The following RNLS variants were observed in gnomAD, a reference collection of about 807,000 sequenced individuals.
RNLS encodes renalase, FAD dependent amine oxidase.
In RNLS, 39 loss-of-function variants were observed where a neutral mutation model predicts 39.8. The observed-to-expected ratio is 0.98, with a 90% CI of 0.76 to 1.28. The LOEUF (loss-of-function observed/expected upper bound fraction) is 1.28, where lower values mean the gene tolerates loss of function less well. RNLS is among the 50% of genes most tolerant of loss of function. The pLI is 0.00. For synonymous variants in RNLS, 147 were observed against 150.7 expected, an observed-to-expected ratio of 0.98 and a Z score of 0.18; for missense variants, 410 against 413.3, an observed-to-expected ratio of 0.99 and a Z score of 0.07.
intron 5 of RNLS, among the ~76,000 whole-genome samples, chr10:88,330,742 TTAA>T (rs1847055952): frequency 6.6e-6 from 1 of 152,084 alleles, no homozygotes; most frequent in Admixed American, 6.6e-5. Flanking sequence ...TGATTTTTAA[TTAA>T]TTATGCAACA....
At chr10:88,490,956 T>C (rs988727926) in intron 4 of RNLS, among the ~76,000 whole-genome samples, 3 of 152,182 alleles carry the variant, frequency 2.0e-5, no homozygotes, top group African/African-American at 7.2e-5. Flanking sequence ...TACAAGTCTA[T>C]GTTTATCTTC....
chr10:88,483,072 T>G (rs1844291989), intron 4 of RNLS, among the ~76,000 whole-genome samples: 1 of 152,116 alleles, frequency 6.6e-6, no homozygotes, highest in Admixed American at 6.6e-5. Context: ...AGGTTACCCT[T>G]CTGACTGTAT....
intron 5 of RNLS, among the ~76,000 whole-genome samples, chr10:88,318,924 C>T (rs1187807487): frequency 2.0e-5 from 3 of 152,110 alleles, no homozygotes; most frequent in Non-Finnish European, 2.9e-5. Flanking sequence ...CAGGTGCTTC[C>T]GCTCATCATC....
chr10:88,452,163 G>T (rs754359890), intron 4 of RNLS, among the ~76,000 whole-genome samples: 1 of 152,184 alleles, frequency 6.6e-6, no homozygotes, highest in Non-Finnish European at 1.5e-5. Flanking sequence ...TGTGACACTG[G>T]TGAAGTAGAG....
chr10:88,239,251 C>T, the RNLS span, among the ~76,000 whole-genome samples: 1 of 152,210 alleles, frequency 6.6e-6, no homozygotes, highest in Non-Finnish European at 1.5e-5. Context: ...ATGGGTTAAC[C>T]GCAGAGTAAC....
chr10:88,391,045 G>T (rs567006240), intron 4 of RNLS, among the ~76,000 whole-genome samples: 1 of 152,134 alleles, frequency 6.6e-6, no homozygotes, highest in South Asian at 2.1e-4. Flanking sequence ...AATCATTTTT[G>T]AAAATTATAA....
At chr10:88,208,478 C>T in the RNLS span, among the ~76,000 whole-genome samples, 36 of 152,194 alleles carry the variant, frequency 2.4e-4, 1 homozygote, top group Admixed American at 9.2e-4. Context: ...GAGTAATCCC[C>T]TAGAGCCACT....
At chr10:88,453,573 T>G (rs1842467647) in intron 4 of RNLS, among the ~76,000 whole-genome samples, 1 of 152,232 alleles carries the variant, frequency 6.6e-6, no homozygotes, top group Non-Finnish European at 1.5e-5. Flanking sequence ...CATGCAAATC[T>G]TGTCCAGAGC....
chr10:88,312,962 T>A (rs981931725), intron 6 of RNLS, among the ~76,000 whole-genome samples: 9 of 152,216 alleles, frequency 5.9e-5, no homozygotes, highest in African/African-American at 9.6e-5. Flanking sequence ...GTCTGGATGA[T>A]AACTTACTCC....
intron 4 of RNLS, among the ~76,000 whole-genome samples, chr10:88,520,736 GT>G (rs2134194862): frequency 6.6e-6 from 1 of 152,080 alleles, no homozygotes; most frequent in Admixed American, 6.6e-5. Flanking sequence ...ATAGAATCAT[GT>G]CCCCAGAATA....
At chr10:88,542,769 T>C (rs1482751851) in intron 4 of RNLS, among the ~76,000 whole-genome samples, 1 of 152,112 alleles carries the variant, frequency 6.6e-6, no homozygotes, top group East Asian at 1.9e-4. Flanking sequence ...GCATATTTGA[T>C]TACAAAGGGC....
At chr10:88,549,497 T>G (rs962115815) in intron 4 of RNLS, among the ~76,000 whole-genome samples, 5 of 152,144 alleles carry the variant, frequency 3.3e-5, no homozygotes, top group Non-Finnish European at 5.9e-5. Context: ...GCCCAGGGGT[T>G]CAGGGCCCCA....
chr10:88,541,580 C>T lies in RNLS; in HGVS notation c.526+31323G>A, dbSNP rs74512032. On this transcript the variant is annotated intron_variant, in intron 4 of 6. Coordinates refer to ENST00000331772, the MANE Select transcript of RNLS (RefSeq NM_001031709.3). ...TCTCTAGACTGTTCCAAGAATTAGTCTTGAGAACACATTGTACTAAGAATC... is the reference window on the plus strand; with the variant it reads ...TCTCTAGACTGTTCCAAGAATTAGTTTTGAGAACACATTGTACTAAGAATC... Among the ~76,000 whole-genome samples the T allele has an allele frequency of 1.1e-4, 16 of 152,228 alleles. 1 individual carries two copies. The East Asian group carries it at 3.1e-3, about 29-fold the overall frequency.
At chr10:88,492,972 G>A (rs968821496) in intron 4 of RNLS, among the ~76,000 whole-genome samples, 1 of 152,138 alleles carries the variant, frequency 6.6e-6, no homozygotes, top group Non-Finnish European at 1.5e-5. Flanking sequence ...ATGACAAAAT[G>A]TATGAAATTA....
At chr10:88,523,552 TG>T (rs1374959950) in intron 4 of RNLS, among the ~76,000 whole-genome samples, 1 of 152,144 alleles carries the variant, frequency 6.6e-6, no homozygotes, top group Non-Finnish European at 1.5e-5. Context: ...CAGAAACATT[TG>T]GCTACAGTCC....
chr10:88,393,832 T>A (rs543234845), intron 4 of RNLS, among the ~76,000 whole-genome samples: 1 of 152,302 alleles, frequency 6.6e-6, no homozygotes, highest in Non-Finnish European at 1.5e-5. Flanking sequence ...ATCATACTGG[T>A]ACCAAAACAG....
chr10:88,220,958 T>C, the RNLS span, among the ~76,000 whole-genome samples: 1 of 152,168 alleles, frequency 6.6e-6, no homozygotes, highest in African/African-American at 2.4e-5. Flanking sequence ...AGAGTTCGGA[T>C]TGAGTTTGAG....
chr10:88,304,875 C>A (rs1844809183), intron 6 of RNLS, among the ~76,000 whole-genome samples: 1 of 151,940 alleles, frequency 6.6e-6, no homozygotes, highest in Admixed American at 6.6e-5. Context: ...AAGATCATCC[C>A]CAAGATACAT....
the RNLS span, among the ~76,000 whole-genome samples, chr10:88,225,320 T>C: frequency 1.3e-5 from 2 of 152,236 alleles, no homozygotes; most frequent in Non-Finnish European, 2.9e-5. Context: ...AATCCAGATT[T>C]GTTACTGCCT....
Sources: gnomAD v4.1 joint callset for allele counts (sites outside exome capture counted in the v4.1 genomes callset) on GRCh38, gnomAD v4.1.1 for gene constraint, MANE v1.5 for transcripts, NCBI Gene and HGNC (gene_info 2026-07-23, HGNC 2026-07-21) for gene names.